DAP: variants seen among roughly 807,000 people sequenced by gnomAD.
DAP encodes death-associated protein 1.
Under a neutral mutation model 13.8 loss-of-function variants are expected in DAP, and 8 were observed. The ratio of observed to expected loss-of-function variants is 0.58; its 90% CI spans 0.34 to 1.05. DAP has a LOEUF of 1.05. DAP is among the 50% of genes least tolerant of loss of function. DAP has a pLI of 0.03. For synonymous variants in DAP, 47 were observed against 47.5 expected, an observed-to-expected ratio of 0.99 and a Z score of 0.04; for missense variants, 106 against 133.2, an observed-to-expected ratio of 0.80 and a Z score of 1.01.
At chr5:10,746,359 T>C (rs920259289) in intron 2 of DAP, among the ~76,000 whole-genome samples, 10 of 151,682 alleles carry the variant, frequency 6.6e-5, no homozygotes, top group Non-Finnish European at 1.2e-4. Context: ...GACAAGAGTT[T>C]TGTTCTGTTG....
In DAP at chr5:10,761,185, C is replaced by T; in HGVS notation, c.-117G>A. On this transcript the variant is annotated 5_prime_UTR_variant, in exon 1 of 4. Transcript: ENST00000230895. ...AGCGAGCGGGCGGGAGAACGACGCG[C>T]GCGCGTGGGGCGCCGGGGCCGCGCG... 4.2e-6 allele frequency: 2 copies of T among 475,756 alleles called. No individual in the cohort carries two copies. Among genetic ancestry groups the T allele is most frequent in the South Asian group, 1.9e-4 (2 of 10,778 alleles). 29.5% of individuals were successfully genotyped at this position (475,756 alleles called of 1,614,324 possible). A position where few individuals can be genotyped will look rare whatever the true frequency, so the allele number is the denominator to read the frequency against.
At chr5:10,733,393 C>T (rs1337347080) in intron 2 of DAP, among the ~76,000 whole-genome samples, 1 of 152,134 alleles carries the variant, frequency 6.6e-6, no homozygotes, top group Non-Finnish European at 1.5e-5. Flanking sequence ...ACACAAAAAA[C>T]TTTGTGGATT....
intron 2 of DAP, among the ~76,000 whole-genome samples, chr5:10,704,792 G>A (rs1332469739): frequency 6.6e-6 from 1 of 152,084 alleles, no homozygotes; most frequent in East Asian, 1.9e-4. Flanking sequence ...TTCCTGCGCA[G>A]TGTACAGGGC....
rs541215082 is a variant in DAP, at chr5:10,707,688, G to C, written c.153-24117C>G. 6.6e-6 allele frequency among the ~76,000 whole-genome samples: 1 copy of C among 152,122 alleles called. No individual in the cohort carries two copies. Among genetic ancestry groups the C allele is most frequent in the Non-Finnish European group, 1.5e-5 (1 of 68,026 alleles). ...GCGATCAGTGTGGTGCACAGGCGGC[G>C]TGATGTACAGGTGGTGTGATGCATG... On this transcript the variant is annotated intron_variant, in intron 2 of 3. Coordinates refer to ENST00000230895, the MANE Select transcript of DAP (RefSeq NM_004394.3). The surrounding 1 kb of genome is among the most constrained non-coding windows in gnomAD (Gnocchi z 4.0).
chr5:10,686,837 T>C (rs1738169062), intron 2 of DAP, among the ~76,000 whole-genome samples: 1 of 152,310 alleles, frequency 6.6e-6, no homozygotes, highest in South Asian at 2.1e-4. Flanking sequence ...AACAACAGAT[T>C]TTCAATGTTG....
intron 2 of DAP, among the ~76,000 whole-genome samples, chr5:10,739,442 T>C (rs998946390): frequency 2.0e-5 from 3 of 152,040 alleles, no homozygotes; most frequent in Non-Finnish European, 2.9e-5. Context: ...TGTTTTTATA[T>C]GTTGTCTAAT....
rs145183293 is a variant in DAP at position 10,708,055 on chromosome 5, C to T, written c.153-24484G>A. ...ACTTGAGCATTGTTACAACTCCAGGCAGATATACCAACAGGCAGATTATAA... is the reference window on the plus strand; with the variant it reads ...ACTTGAGCATTGTTACAACTCCAGGTAGATATACCAACAGGCAGATTATAA... On this transcript the variant is annotated intron_variant, in intron 2 of 3. Coordinates refer to ENST00000230895, the MANE Select transcript of DAP (RefSeq NM_004394.3). Among the ~76,000 whole-genome samples the T allele has an allele frequency of 2.4e-3, 359 of 152,246 alleles. 2 individuals carry two copies. Among genetic ancestry groups the T allele is most frequent in the African/African-American group, 8.4e-3 (350 of 41,518 alleles).
At chr5:10,724,333 G>A (rs144924020) in intron 2 of DAP, among the ~76,000 whole-genome samples, 1 of 152,324 alleles carries the variant, frequency 6.6e-6, no homozygotes, top group East Asian at 1.9e-4. Flanking sequence ...CCATGAATAT[G>A]GGACTGCTGT....
At chr5:10,723,046 C>T (rs1739198803) in intron 2 of DAP, among the ~76,000 whole-genome samples, 1 of 152,186 alleles carries the variant, frequency 6.6e-6, no homozygotes, top group South Asian at 2.1e-4. Flanking sequence ...AGAGTCATGT[C>T]CCTTGATGAA....
intron 2 of DAP, among the ~76,000 whole-genome samples, chr5:10,701,250 A>T (rs1169869594): frequency 6.6e-6 from 1 of 152,258 alleles, no homozygotes. Flanking sequence ...TGCTTGTTTA[A>T]TAAAGGCAGG....
intron 2 of DAP, among the ~76,000 whole-genome samples, chr5:10,744,103 A>C (rs1739839475): frequency 6.6e-6 from 1 of 152,142 alleles, no homozygotes; most frequent in African/African-American, 2.4e-5. Context: ...TGTAATCAGT[A>C]CTTGATTTTC....
At chr5:10,688,454 G>A (rs950647820) in intron 2 of DAP, among the ~76,000 whole-genome samples, 4 of 152,124 alleles carry the variant, frequency 2.6e-5, no homozygotes, top group Non-Finnish European at 4.4e-5. Flanking sequence ...ACAGTGGAGG[G>A]TAAACATAAC....
chr5:10,710,174 C>G (rs5745244), intron 2 of DAP, among the ~76,000 whole-genome samples: 1 of 152,204 alleles, frequency 6.6e-6, no homozygotes, highest in Non-Finnish European at 1.5e-5. Flanking sequence ...AATCCAGCCC[C>G]GAAGCCTCAG....
At position 10,680,932 on chromosome 5, in the gene DAP, C is replaced by G. The variant is rs1036429345; in HGVS notation, c.*124G>C. 1 of 1,539,332 alleles carries G rather than the reference C, an allele frequency of 6.5e-7. No individual in the cohort carries two copies. Among genetic ancestry groups the G allele is most frequent in the Non-Finnish European group, 8.7e-7 (1 of 1,146,976 alleles). On this transcript the variant is annotated 3_prime_UTR_variant, in exon 4 of 4. Coordinates refer to ENST00000230895, the MANE Select transcript of DAP (RefSeq NM_004394.3). Reference sequence around the variant, plus strand: ...TGGAAATGTAAGGCAAAGGACAGAGCACTTGGTTTTGCCTTAGATTTCCCA... The same window carrying G: ...TGGAAATGTAAGGCAAAGGACAGAGGACTTGGTTTTGCCTTAGATTTCCCA...
intron 2 of DAP, among the ~76,000 whole-genome samples, chr5:10,724,928 G>A (rs919529001): frequency 1.3e-5 from 2 of 152,098 alleles, no homozygotes; most frequent in African/African-American, 4.8e-5. Context: ...AGGAGAAGGT[G>A]GGGGTTCTGC....
intron 2 of DAP, among the ~76,000 whole-genome samples, chr5:10,706,639 T>C (rs1399881416): frequency 2.0e-5 from 3 of 152,160 alleles, no homozygotes; most frequent in Non-Finnish European, 2.9e-5. Context: ...GACGAGGCAG[T>C]TGAGAAACAT....
At chr5:10,731,185 C>T in intron 2 of DAP, among the ~76,000 whole-genome samples, 1 of 104,438 alleles carries the variant, frequency 9.6e-6, no homozygotes, top group African/African-American at 3.9e-5. Context: ...TCTTTCTGTA[C>T]TGAGAGCCCT....
intron 2 of DAP, among the ~76,000 whole-genome samples, chr5:10,743,336 C>T (rs1204814302): frequency 6.6e-6 from 1 of 152,180 alleles, no homozygotes; most frequent in Non-Finnish European, 1.5e-5. Flanking sequence ...TTCTGGGTCC[C>T]TCCCACCTCT....
chr5:10,693,775 T>C (rs62337569), intron 2 of DAP, among the ~76,000 whole-genome samples: 7,295 of 152,324 alleles, frequency 0.048, 226 homozygotes, highest in South Asian at 0.08. Flanking sequence ...AATCTAAATG[T>C]AACCTGAGGG....
Sources: gnomAD v4.1 joint callset for allele counts (sites outside exome capture counted in the v4.1 genomes callset) on GRCh38, gnomAD v4.1.1 for gene constraint, Gnocchi (gnomAD v3.1) non-coding constraint, MANE v1.5 for transcripts, NCBI Gene and HGNC (gene_info 2026-07-23, HGNC 2026-07-21) for gene names.